Variants in TRHDE observed in about 807,000 individuals in gnomAD.
TRHDE encodes the protein thyrotropin releasing hormone degrading enzyme.
TRHDE carries 72 observed loss-of-function variants against 125.7 expected under a neutral mutation model. That is an observed-to-expected ratio of 0.57 (90% CI 0.47 to 0.70). TRHDE has a LOEUF of 0.70. Ranked by LOEUF, TRHDE falls within the 30% of genes least tolerant of loss-of-function variation. TRHDE has a pLI of 0.00. For missense variants in TRHDE, 1,110 were observed against 1,327.1 expected (o/e 0.84, Z 2.54); for synonymous variants, 509 against 509.1 (o/e 1.00, Z 0.00).
intron 2 of TRHDE, among the ~76,000 whole-genome samples, chr12:72,237,570 T>C (rs1298477746): frequency 6.6e-6 from 1 of 152,190 alleles, no homozygotes; most frequent in Admixed American, 6.6e-5. Context: ...CCCATGCTAC[T>C]GTTCTTGCAT....
intron 1 of TRHDE, among the ~76,000 whole-genome samples, chr12:72,283,386 CT>C (rs1457607070): frequency 6.6e-6 from 1 of 152,140 alleles, no homozygotes; most frequent in African/African-American, 2.4e-5. Context: ...TACCAAGGGA[CT>C]TCTTTTGATT....
At chr12:72,208,266 C>T (rs1215783746) in intron 2 of TRHDE, among the ~76,000 whole-genome samples, 1 of 152,112 alleles carries the variant, frequency 6.6e-6, no homozygotes, top group African/African-American at 2.4e-5. Flanking sequence ...AGAGTCAAAT[C>T]TCCCCTTGAA....
chr12:72,547,447 T>A (rs901937473), intron 7 of TRHDE, among the ~76,000 whole-genome samples: 1 of 151,820 alleles, frequency 6.6e-6, no homozygotes, highest in Non-Finnish European at 1.5e-5. Flanking sequence ...CAGTAATATA[T>A]AAAATTTGTA....
chr12:72,324,897 C>A (rs1869268765), intron 2 of TRHDE, among the ~76,000 whole-genome samples: 1 of 152,044 alleles, frequency 6.6e-6, no homozygotes, highest in Non-Finnish European at 1.5e-5. Context: ...CTTTCTGTCA[C>A]AAACATCGTT....
At chr12:72,381,505 C>G (rs903004630) in intron 3 of TRHDE, among the ~76,000 whole-genome samples, 1 of 150,614 alleles carries the variant, frequency 6.6e-6, no homozygotes, top group Non-Finnish European at 1.5e-5. Flanking sequence ...ACGCCATTCT[C>G]CTGCCTCAGC....
intron 2 of TRHDE, among the ~76,000 whole-genome samples, chr12:72,114,003 A>G (rs1047035737): frequency 8.6e-5 from 13 of 151,148 alleles, no homozygotes; most frequent in African/African-American, 3.2e-4. Flanking sequence ...TTTCTTTTTT[A>G]CCAGAATCTT....
At chr12:72,549,792 GTAAA>G (rs1428202003) in intron 7 of TRHDE, among the ~76,000 whole-genome samples, 1 of 151,610 alleles carries the variant, frequency 6.6e-6, no homozygotes, top group African/African-American at 2.4e-5. Context: ...TTTAAAAAAA[GTAAA>G]TAGCATTCTG....
chr12:72,428,652 T>C (rs1001841709), intron 3 of TRHDE, among the ~76,000 whole-genome samples: 2 of 152,090 alleles, frequency 1.3e-5, no homozygotes, highest in Admixed American at 1.3e-4. Flanking sequence ...ACTAACCCAT[T>C]TAGATTGTAC....
intron 2 of TRHDE, among the ~76,000 whole-genome samples, chr12:72,195,304 A>T (rs1485984185): frequency 2.0e-5 from 3 of 152,096 alleles, no homozygotes; most frequent in African/African-American, 7.2e-5. Flanking sequence ...GTTCTGTTTT[A>T]AATTCTTTAA....
intron 2 of TRHDE, among the ~76,000 whole-genome samples, chr12:72,247,436 A>C (rs1878595525): frequency 6.6e-6 from 1 of 152,172 alleles, no homozygotes; most frequent in African/African-American, 2.4e-5. Flanking sequence ...TGGTCCATGA[A>C]CCATATTTTG....
In TRHDE at chr12:72,273,075, C is replaced by CCACCACGCAGGCG; in HGVS notation, c.433_445dup (p.Gly149AlafsTer124). 6.5e-7 allele frequency: 1 copy of CCACCACGCAGGCG among 1,526,878 alleles called. No homozygotes were observed. Among genetic ancestry groups the CCACCACGCAGGCG allele is most frequent in the South Asian group, 1.2e-5 (1 of 82,720 alleles). The allele number at this position is 1,526,878 out of a possible 1,614,324, so 94.6% of individuals were successfully genotyped here. On this transcript the variant is annotated frameshift_variant, in exon 1 of 19. Coordinates refer to ENST00000261180, the MANE Select transcript of TRHDE (RefSeq NM_013381.3). LOFTEE classifies it high-confidence loss of function. This position sits in a 1 kb window ranked among gnomAD's most constrained non-coding sequence, Gnocchi z 5.3. ...GCCTCCCTGGATCGGCCCGGCGCAA[C>CCACCACGCAGGCG]CACCACGCAGGCGGGGACTCCTGGC...
chr12:72,504,864 C>G (rs186226275), intron 6 of TRHDE, among the ~76,000 whole-genome samples: 1 of 152,134 alleles, frequency 6.6e-6, no homozygotes, highest in African/African-American at 2.4e-5. Context: ...ATCTCTGTTA[C>G]TAGTCAACAT....
At chr12:72,648,750 C>T (rs1420579813) in intron 15 of TRHDE, among the ~76,000 whole-genome samples, 2 of 151,308 alleles carry the variant, frequency 1.3e-5, no homozygotes, top group African/African-American at 4.9e-5. Context: ...AGTTTGAGAC[C>T]AACCTGGGAA....
rs1010194869 is a variant in TRHDE, at chr12:72,200,140, A to C, written n.279+94388A>C. ...TTATTTCTTGCATATTGATGGATGGAGATTTATTTCCAATTGACTGTGTTC... is the reference window on the plus strand; with the variant it reads ...TTATTTCTTGCATATTGATGGATGGCGATTTATTTCCAATTGACTGTGTTC... On this transcript the variant is annotated intron_variant and non_coding_transcript_variant, in intron 2 of 4. Coordinates refer to the TRHDE transcript ENST00000548156. Among the ~76,000 whole-genome samples, 34 of 152,184 alleles carry C rather than the reference A, an allele frequency of 2.2e-4. 1 individual carries two copies. The highest frequency in any genetic ancestry group is 8.0e-4 in the African/African-American group (33 of 41,446).
intron 15 of TRHDE, among the ~76,000 whole-genome samples, chr12:72,626,763 G>C (rs1322719980): frequency 6.6e-6 from 1 of 151,772 alleles, no homozygotes; most frequent in Non-Finnish European, 1.5e-5. Context: ...TCTCATCAAT[G>C]TTTGCTTTTC....
chr12:72,431,348 T>C (rs1056020894), intron 3 of TRHDE, among the ~76,000 whole-genome samples: 2 of 152,188 alleles, frequency 1.3e-5, no homozygotes, highest in Middle Eastern at 3.2e-3. Context: ...ATAAGAAATT[T>C]ACTTATTTTA....
chr12:72,241,232 C>T (rs1288951932), intron 2 of TRHDE, among the ~76,000 whole-genome samples: 3 of 152,148 alleles, frequency 2.0e-5, no homozygotes, highest in East Asian at 3.9e-4. Flanking sequence ...CTGATGTCAC[C>T]ACCACTACAA....
At chr12:72,573,582 C>A (rs1870846715) in intron 10 of TRHDE, among the ~76,000 whole-genome samples, 1 of 151,892 alleles carries the variant, frequency 6.6e-6, no homozygotes, top group Non-Finnish European at 1.5e-5. Context: ...CAAAGAGAAT[C>A]AATAGCATAA....
At chr12:72,219,515 T>C (rs1022569807) in intron 2 of TRHDE, among the ~76,000 whole-genome samples, 19 of 152,166 alleles carry the variant, frequency 1.2e-4, no homozygotes, top group African/African-American at 3.4e-4. Flanking sequence ...GCCTGAACTA[T>C]GTGCCTTCCC....
Sources: allele counts gnomAD v4.1 joint callset (sites outside exome capture counted in the v4.1 genomes callset), GRCh38; gene constraint gnomAD v4.1.1; non-coding constraint Gnocchi (gnomAD v3.1); transcripts MANE v1.5; gene names NCBI Gene and HGNC (gene_info 2026-07-23, HGNC 2026-07-21).